Variants in SETX observed in about 807,000 individuals in gnomAD.
SETX encodes senataxin.
In SETX, 90 loss-of-function variants were observed where a neutral mutation model predicts 227.2. The ratio of observed to expected loss-of-function variants is 0.40; its 90% confidence interval spans 0.33 to 0.47. The LOEUF is 0.47. Among genes scored for constraint, SETX ranks in the 20% least tolerant of loss-of-function variants. The pLI, the probability that SETX is intolerant of heterozygous loss-of-function variation, is 0.91. For missense variants in SETX, 3,052 were observed against 3,181.5 expected, an observed-to-expected ratio of 0.96 and a Z score of 0.98; for synonymous variants, 1,210 against 1,113.2, an observed-to-expected ratio of 1.09 and a Z score of -1.73.
intron 11 of SETX, among the ~76,000 whole-genome samples, chr9:132,307,013 G>A (rs1845373232): frequency 1.3e-5 from 2 of 152,320 alleles, no homozygotes; most frequent in East Asian, 1.9e-4. Flanking sequence ...CCTGCACTTT[G>A]GGAGGCCAAG....
intron 10 of SETX, among the ~76,000 whole-genome samples, chr9:132,320,659 G>A (rs1017885563): frequency 4.7e-5 from 7 of 149,410 alleles, no homozygotes; most frequent in Non-Finnish European, 7.4e-5. Flanking sequence ...TTATTGGCCT[G>A]TATAAACCAG....
intron 10 of SETX, among the ~76,000 whole-genome samples, chr9:132,323,947 A>C (rs1589727841): frequency 6.6e-6 from 1 of 152,244 alleles, no homozygotes; most frequent in East Asian, 1.9e-4. Context: ...AAATTTCCAA[A>C]GGACTCATTA....
At chr9:132,338,090 CT>C (rs71376637) in intron 5 of SETX, among the ~76,000 whole-genome samples, 169 of 126,488 alleles carry the variant, frequency 1.3e-3, no homozygotes, top group African/African-American at 3.8e-3. Context: ...GAGGAACACT[CT>C]TTTTTTTTTT....
chr9:132,326,558 T>C lies in SETX; in HGVS notation c.5040A>G (p.Lys1680=), dbSNP rs1195510183. Residue 1680 remains lysine (K), a synonymous_variant, in exon 10 of 26, where the codon AAA becomes AAG. Coordinates refer to ENST00000224140, the MANE Select transcript of SETX (RefSeq NM_015046.7). ...QGCKVPFGES[K]YFPSSSPVNI... ...TTACTGGAGAGGAAGATGGAAAATA[T>C]TTGCTTTCACCAAATGGAACTTTGC... 6.2e-7 allele frequency: 1 copy of C among 1,614,204 alleles called. No individual in the cohort carries two copies. Among genetic ancestry groups the C allele is most frequent in the Admixed American group, 1.7e-5 (1 of 60,028 alleles).
rs1847063965 is a variant in SETX at position 132,329,265 on chromosome 9, C to T, written c.2333G>A (p.Arg778Gln). 9 of 1,613,564 alleles carry T rather than the reference C, an allele frequency of 5.6e-6. No individual in the cohort carries two copies. Among genetic ancestry groups the T allele is most frequent in the Non-Finnish European group, 6.8e-6 (8 of 1,179,844 alleles). The change falls in exon 10 of 26, where the codon CGA becomes CAA. Residue 778 changes from arginine to glutamine, a missense_variant. Physicochemically the swap from Arg to Gln is conservative, Grantham distance 43 (BLOSUM62 1). This residue lies in a region of SETX where 1,483 missense variants were observed against 1,312.0 expected (regional missense o/e 1.13). Coordinates refer to ENST00000224140, the MANE Select transcript of SETX (RefSeq NM_015046.7). ...KDDALAKTSK[R>Q]KTKVQKDEIC... Reference sequence around the variant, plus strand: ...TTCATCTTTCTGTACCTTAGTTTTTCGTTTTGAGGTTTTAGCAAGAGCATC... The same window carrying T: ...TTCATCTTTCTGTACCTTAGTTTTTTGTTTTGAGGTTTTAGCAAGAGCATC...
At chr9:132,332,021 T>C (rs1475536433) in intron 7 of SETX, among the ~76,000 whole-genome samples, 2 of 152,240 alleles carry the variant, frequency 1.3e-5, no homozygotes, top group South Asian at 2.1e-4. Context: ...TTCATCCATC[T>C]GTATCTCAAC....
At chr9:132,317,779 T>C (rs1419154939) in intron 10 of SETX, among the ~76,000 whole-genome samples, 1 of 152,154 alleles carries the variant, frequency 6.6e-6, no homozygotes, top group African/African-American at 2.4e-5. Flanking sequence ...TTCCATTCTT[T>C]CATCTTAAAC....
upstream of SETX, among the ~76,000 whole-genome samples, chr9:132,355,204 G>C (rs1161825621): frequency 1.3e-5 from 2 of 152,146 alleles, no homozygotes; most frequent in African/African-American, 2.4e-5. Context: ...CCGAGTCCCC[G>C]TCAGGGTGGA....
intron 7 of SETX, among the ~76,000 whole-genome samples, chr9:132,333,838 A>G: frequency 6.6e-6 from 1 of 152,236 alleles, no homozygotes; most frequent in East Asian, 1.9e-4. Flanking sequence ...GATAGAGTAC[A>G]GGCACGTGTG....
intron 15 of SETX, 63 bp from the exon 16 acceptor site, chr9:132,288,714 C>G: frequency 9.7e-7 from 1 of 1,035,600 alleles, no homozygotes; most frequent in Non-Finnish European, 1.5e-6. Context: ...TGTCTCTATA[C>G]ATAGTATCTA....
chr9:132,269,223 A>AAGCAG (rs887368501), intron 25 of SETX, among the ~76,000 whole-genome samples: 2 of 152,240 alleles, frequency 1.3e-5, no homozygotes, highest in African/African-American at 2.4e-5. Flanking sequence ...GCCAGCAGAA[A>AAGCAG]AGCAGAGCAG....
At chr9:132,321,953 G>C (rs1031491359) in intron 10 of SETX, among the ~76,000 whole-genome samples, 2 of 152,170 alleles carry the variant, frequency 1.3e-5, no homozygotes, top group Admixed American at 6.5e-5. Context: ...CTTTCACTCA[G>C]AGCTTCTGGT....
chr9:132,329,365 G>C lies in SETX; in HGVS notation c.2233C>G (p.Arg745Gly). Residue 745 changes from arginine to glycine, a missense_variant, in exon 10 of 26, where the codon CGT (arginine) becomes GGT (glycine). Coordinates refer to ENST00000224140, the MANE Select transcript of SETX (RefSeq NM_015046.7). Reference sequence around the variant, plus strand: ...TCAGTGCTAGAATCAGTCAACAAACGTGTTGATACTATTATTCCTCTGTCA... The same window carrying C: ...TCAGTGCTAGAATCAGTCAACAAACCTGTTGATACTATTATTCCTCTGTCA... ...GCDRGIIVST[R>G]LLTDSSTDAL... The C allele has an allele frequency of 6.2e-7, 1 of 1,613,940 alleles. No homozygotes were observed. Among genetic ancestry groups the C allele is most frequent in the Non-Finnish European group, 8.5e-7 (1 of 1,179,952 alleles).
chr9:132,291,147 G>A (rs1356399365), intron 15 of SETX, among the ~76,000 whole-genome samples: 1 of 150,212 alleles, frequency 6.7e-6, no homozygotes, highest in African/African-American at 2.5e-5. Flanking sequence ...ATTTACTTGA[G>A]GGTTTGAAAA....
upstream of SETX, among the ~76,000 whole-genome samples, chr9:132,356,363 G>A (rs960824681): frequency 1.3e-5 from 2 of 151,964 alleles, no homozygotes; most frequent in African/African-American, 2.4e-5. Flanking sequence ...CCACACGCCC[G>A]GCTAATGTTC....
rs143035135 is a variant in SETX at position 132,281,482 on chromosome 9, C to T, written c.6639G>A (p.Pro2213=). 19 of 1,612,530 alleles carry T rather than the reference C, an allele frequency of 1.2e-5. No homozygotes were observed. The South Asian group carries it at 1.6e-4, about 14-fold the overall frequency. Residue 2213 remains proline (P), a synonymous_variant, in exon 20 of 26, where the codon CCG becomes CCA. Coordinates refer to ENST00000224140, the MANE Select transcript of SETX (RefSeq NM_015046.7). ...ILVGDPKQLP[P]TVISMKAQEY... is the part of the protein sequence containing the mutation. The stretch of plus-strand genomic sequence containing the variant: ...AAAAACTTACCATAGAGATGACTGT[C>T]GGAGGGAGCTGCTTAGGATCTCCTA...
chr9:132,296,120 G>T, intron 14 of SETX, 92 bp from the exon 15 acceptor site: 2 of 1,464,048 alleles, frequency 1.4e-6, no homozygotes, highest in Non-Finnish European at 1.9e-6. Flanking sequence ...TTACTTCCAT[G>T]TATTTTTGAA....
intron 25 of SETX, among the ~76,000 whole-genome samples, chr9:132,265,858 A>G (rs371108000): frequency 7.2e-5 from 11 of 152,248 alleles, no homozygotes; most frequent in African/African-American, 2.6e-4. Flanking sequence ...CTATTCTAGA[A>G]AAAGGCCCAA....
intron 25 of SETX, among the ~76,000 whole-genome samples, chr9:132,266,953 G>C (rs911242724): frequency 6.6e-6 from 1 of 152,174 alleles, no homozygotes. Flanking sequence ...TTCTGAAAGT[G>C]AAATATTTTT....
Sources: gnomAD v4.1 joint callset for allele counts (sites outside exome capture counted in the v4.1 genomes callset) on GRCh38, gnomAD v4.1.1 for gene constraint, gnomAD v4.1.1 regional missense constraint, MANE v1.5 for transcripts, NCBI Gene and HGNC (gene_info 2026-07-23, HGNC 2026-07-21) for gene names.